The following PCNX2 variants were observed in gnomAD, a reference collection of about 807,000 sequenced individuals.
PCNX2 encodes the protein pecanex-like protein 2.
A neutral mutation model predicts 223.8 loss-of-function variants in PCNX2; 168 were observed. The ratio of observed to expected loss-of-function variants is 0.75; its 90% CI spans 0.66 to 0.85. The LOEUF is 0.85. Among genes scored for constraint, PCNX2 ranks in the 40% least tolerant of loss-of-function variants. The pLI, the probability that PCNX2 is intolerant of heterozygous loss-of-function variation, is 0.00. For synonymous variants in PCNX2, 1,006 were observed against 1,052.6 expected (o/e 0.96, Z 0.86); for missense variants, 2,507 against 2,675.5 (o/e 0.94, Z 1.39).
chr1:233,217,812 C>T (rs1657069687), intron 12 of PCNX2, 87 bp downstream of exon 12: 3 of 1,454,268 alleles, frequency 2.1e-6, no homozygotes, highest in Non-Finnish European at 2.9e-6. Context: ...TAGGTACAGA[C>T]TTGGCCCTTT....
At chr1:233,202,308 C>T in intron 13 of PCNX2, 1 of 383,060 alleles carries the variant, frequency 2.6e-6, no homozygotes, top group South Asian at 2.0e-5. Context: ...TTTCCTCTCA[C>T]TTCTTCCTAA....
intron 10 of PCNX2, 29 bp from the exon 11 acceptor site, chr1:233,218,213 A>C: frequency 1.4e-6 from 1 of 694,710 alleles, no homozygotes; most frequent in Non-Finnish European, 1.9e-6. Context: ...TAAAAGCAAA[A>C]AAAAAAAAAA....
At chr1:233,110,916 G>A (rs945414001) in intron 21 of PCNX2, among the ~76,000 whole-genome samples, 3 of 151,598 alleles carry the variant, frequency 2.0e-5, no homozygotes, top group East Asian at 3.9e-4. Flanking sequence ...AGATACTGAC[G>A]AATTAACTTT....
intron 25 of PCNX2, among the ~76,000 whole-genome samples, chr1:233,032,747 A>G (rs1671314895): frequency 1.3e-5 from 2 of 152,262 alleles, no homozygotes; most frequent in East Asian, 3.9e-4. Context: ...ACTATGAGGA[A>G]CACACGGGTA....
At position 232,996,052 on chromosome 1, in the gene PCNX2, G is replaced by A. The variant is rs901432478; in HGVS notation, c.5791+2199C>T. On this transcript the variant is annotated intron_variant, in intron 32 of 33. Transcript: ENST00000258229. The stretch of plus-strand genomic sequence containing the variant: ...TTTTGTTGTATTTTTAGTAGAGATG[G>A]GGTTTCACCATGTTGGCCAGGCTGG... Among the ~76,000 whole-genome samples the A allele has an allele frequency of 7.9e-5, 12 of 152,068 alleles. 1 individual carries two copies. Among genetic ancestry groups the A allele is most frequent in the Admixed American group, 1.3e-4 (2 of 15,270 alleles).
At position 233,090,177 on chromosome 1, in the gene PCNX2, A is replaced by T. The variant is rs369225702; in HGVS notation, c.3960T>A (p.Leu1320=). ...QLFAIPHSAM[L]FFQTIATSIF... ...TTGATGTGGCAATCGTCTGAAAGAA[A>T]AGCATGGCAGAATCTGAGAATGTTG... The change falls in exon 23 of 34, where the codon CTT becomes CTA. Residue 1320 remains leucine, a synonymous_variant. Coordinates refer to ENST00000258229, the MANE Select transcript of PCNX2 (RefSeq NM_014801.4). 1 of 1,613,490 alleles carries T rather than the reference A, an allele frequency of 6.2e-7. No homozygotes were observed. The highest frequency in any genetic ancestry group is 1.3e-5 in the African/African-American group (1 of 74,916).
rs182874718 is a variant in PCNX2 at position 233,203,865 on chromosome 1, C to T, written c.2864-3601G>A. Among the ~76,000 whole-genome samples the T allele has an allele frequency of 1.7e-4, 26 of 152,306 alleles. No individual in the cohort carries two copies. The East Asian group carries it at 4.8e-3, about 28-fold the overall frequency. On this transcript the variant is annotated intron_variant, in intron 13 of 33. Transcript: ENST00000258229. ...TAACCCATACATCACCAACAAGACA[C>T]TGCTCTAGGAAATACTCCATGCTCC...
intron 25 of PCNX2, among the ~76,000 whole-genome samples, chr1:233,037,242 G>A (rs1353706376): frequency 6.6e-6 from 1 of 152,082 alleles, no homozygotes; most frequent in Admixed American, 6.5e-5. Context: ...CCACGGAATG[G>A]GTTCAGTTCT....
chr1:233,132,669 T>G (rs918018397), intron 21 of PCNX2, among the ~76,000 whole-genome samples: 8 of 152,192 alleles, frequency 5.3e-5, no homozygotes, highest in Non-Finnish European at 1.0e-4. Context: ...AGTGTGTCAC[T>G]TCCTTTTTCT....
At chr1:233,134,913 T>A (rs1440591328) in intron 21 of PCNX2, 100 bp downstream of exon 21, 3 of 1,047,454 alleles carry the variant, frequency 2.9e-6, no homozygotes, top group East Asian at 5.1e-5. Context: ...TATCCTCCCA[T>A]AATTTTTTTT....
Position 233,037,502 on chromosome 1 carries a change from T to TTTTCTTTC in PCNX2, c.4352-12111_4352-12104dup, listed in dbSNP as rs149916555. Among the ~76,000 whole-genome samples the TTTTCTTTC allele has an allele frequency of 9.6e-3, 1,453 of 150,946 alleles. 21 individuals carry two copies. The highest frequency in any genetic ancestry group is 0.03 in the African/African-American group (1,227 of 40,860). On this transcript the variant is annotated intron_variant, in intron 25 of 33. Coordinates refer to ENST00000258229, the MANE Select transcript of PCNX2 (RefSeq NM_014801.4). ...GGCACAACCACACCTACCTGATTGA[T>TTTTCTTTC]TTTCTTTCTTTCTTTCTTTCTTTTT...
chr1:233,000,258 A>G lies in PCNX2; in HGVS notation c.5328+47T>C. On this transcript the variant is annotated intron_variant, in intron 30 of 33. Coordinates refer to ENST00000258229, the MANE Select transcript of PCNX2 (RefSeq NM_014801.4). The surrounding 1 kb of genome is among the most constrained non-coding windows in gnomAD (Gnocchi z 4.6). ...ACCACCATTCTATTTCTTCTCAGAT[A>G]GAGAGACACGAGCCAACAGGGGACC... is the stretch of plus-strand genomic sequence containing the variant. The G allele has an allele frequency of 1.3e-6, 2 of 1,547,114 alleles. No individual in the cohort carries two copies. The highest frequency in any genetic ancestry group is 1.8e-6 in the Non-Finnish European group (2 of 1,119,626).
At chr1:233,228,274 T>C (rs1657864164) in intron 9 of PCNX2, among the ~76,000 whole-genome samples, 1 of 152,214 alleles carries the variant, frequency 6.6e-6, no homozygotes, top group African/African-American at 2.4e-5. Flanking sequence ...TTGTCACTTC[T>C]TGCTACTATC....
chr1:233,235,507 C>A (rs1390153092), intron 9 of PCNX2, among the ~76,000 whole-genome samples: 1 of 152,122 alleles, frequency 6.6e-6, no homozygotes. Flanking sequence ...GGTATAAGAG[C>A]TCAGAGCAAT....
intron 9 of PCNX2, among the ~76,000 whole-genome samples, chr1:233,229,175 T>C (rs1445355003): frequency 1.3e-5 from 2 of 152,216 alleles, no homozygotes; most frequent in African/African-American, 2.4e-5. Flanking sequence ...AAGCAAATTT[T>C]ACCATCTCTC....
At chr1:233,177,751 G>C in intron 17 of PCNX2, 51 bp downstream of exon 17, 1 of 1,467,064 alleles carries the variant, frequency 6.8e-7, no homozygotes, top group Non-Finnish European at 9.5e-7. Context: ...CCTGATCTCT[G>C]CTGAAAGATG....
At chr1:233,047,638 A>G (rs560951283) in intron 25 of PCNX2, among the ~76,000 whole-genome samples, 23 of 152,216 alleles carry the variant, frequency 1.5e-4, no homozygotes, top group Admixed American at 5.2e-4. Flanking sequence ...TAAAGTGTTC[A>G]ATTCAACAAG....
chr1:232,991,961 G>A lies in PCNX2; in HGVS notation c.5792-5421C>T, dbSNP rs118010698. ...AGCCATCATTCAACAGAAGAACAAC[G>A]TGAACTGATTTAAGTTTAAATAAAA... On this transcript the variant is annotated intron_variant, in intron 32 of 33. Coordinates refer to ENST00000258229, the MANE Select transcript of PCNX2 (RefSeq NM_014801.4). This position sits in a 1 kb window ranked among gnomAD's most constrained non-coding sequence, Gnocchi z 4.3. Among the ~76,000 whole-genome samples, 4 of 152,316 alleles carry A rather than the reference G, an allele frequency of 2.6e-5. No individual in the cohort carries two copies. Among genetic ancestry groups the A allele is most frequent in the South Asian group, 2.1e-4 (1 of 4,824 alleles).
At chr1:233,254,910 C>A (rs1345441471) in intron 5 of PCNX2, among the ~76,000 whole-genome samples, 1 of 152,062 alleles carries the variant, frequency 6.6e-6, no homozygotes, top group Non-Finnish European at 1.5e-5. Flanking sequence ...ATATTATAGA[C>A]AATTTTTCAA....
Sources: gnomAD v4.1 joint callset for allele counts (sites outside exome capture counted in the v4.1 genomes callset) on GRCh38, gnomAD v4.1.1 for gene constraint, Gnocchi (gnomAD v3.1) non-coding constraint, MANE v1.5 for transcripts, NCBI Gene and HGNC (gene_info 2026-07-23, HGNC 2026-07-21) for gene names.